CCM2: variants seen among roughly 807,000 people sequenced by gnomAD.
CCM2 encodes CCM2 scaffold protein.
In CCM2, 25 loss-of-function variants were observed where a neutral mutation model predicts 44.9. The observed-to-expected ratio is 0.56, with a 90% CI of 0.41 to 0.78. The LOEUF (loss-of-function observed/expected upper bound fraction) is 0.78, where lower values mean the gene tolerates loss of function less well. Ranked by LOEUF, CCM2 falls within the 30% of genes least tolerant of loss-of-function variation. The probability of loss-of-function intolerance (pLI) is 0.00; values close to 1 mark genes in which losing one functional copy is unlikely to be tolerated. For synonymous variants in CCM2, 219 were observed against 241.1 expected (o/e 0.91, Z 0.85); for missense variants, 481 against 580.6 (o/e 0.83, Z 1.76).
intron 1 of CCM2, among the ~76,000 whole-genome samples, chr7:45,028,936 G>A (rs6944713): frequency 0.035 from 5,254 of 152,214 alleles, 306 homozygotes; most frequent in African/African-American, 0.12. Flanking sequence ...GTAGTGCCTC[G>A]GATGTGCACC....
At chr7:45,007,851 T>G (rs1795905456) in intron 1 of CCM2, among the ~76,000 whole-genome samples, 1 of 152,196 alleles carries the variant, frequency 6.6e-6, no homozygotes, top group Non-Finnish European at 1.5e-5. Flanking sequence ...TCACATGTTG[T>G]TTTTGTACCT....
intron 2 of CCM2, among the ~76,000 whole-genome samples, chr7:45,062,030 A>T (rs1798550385): frequency 6.6e-6 from 1 of 152,016 alleles, no homozygotes; most frequent in Non-Finnish European, 1.5e-5. Context: ...CCCCGCAATG[A>T]GCTGTGATTC....
chr7:45,027,103 G>A (rs1272921425), intron 1 of CCM2: 2 of 167,908 alleles, frequency 1.2e-5, no homozygotes, highest in East Asian at 1.6e-4. Flanking sequence ...CCTGGAGGCA[G>A]GTAGAGGCAC....
intron 1 of CCM2, among the ~76,000 whole-genome samples, chr7:45,020,152 A>G (rs1224026002): frequency 2.6e-5 from 4 of 152,188 alleles, no homozygotes; most frequent in Admixed American, 2.6e-4. Flanking sequence ...TACTCTCAGG[A>G]GTAAAGCAAT....
intron 2 of CCM2, among the ~76,000 whole-genome samples, chr7:45,055,238 A>G (rs1798203337): frequency 6.6e-6 from 1 of 152,222 alleles, no homozygotes; most frequent in Non-Finnish European, 1.5e-5. Context: ...GTTTCAGCAA[A>G]GCACTTGACA....
chr7:45,033,498 C>G (rs1237904139), intron 1 of CCM2, among the ~76,000 whole-genome samples: 1 of 152,174 alleles, frequency 6.6e-6, no homozygotes, highest in Non-Finnish European at 1.5e-5. Flanking sequence ...GAAGAGCCAA[C>G]AAATGGAGCC....
At chr7:45,050,745 A>T (rs1797965017) in intron 2 of CCM2, among the ~76,000 whole-genome samples, 1 of 152,064 alleles carries the variant, frequency 6.6e-6, no homozygotes, top group Non-Finnish European at 1.5e-5. Context: ...TGTGTCGGGT[A>T]AGTTAGTCCT....
At chr7:45,022,049 T>C (rs1348317833) in intron 1 of CCM2, among the ~76,000 whole-genome samples, 1 of 152,180 alleles carries the variant, frequency 6.6e-6, no homozygotes, top group Non-Finnish European at 1.5e-5. Flanking sequence ...CTAGAAGCAA[T>C]GACAGTCCAA....
intron 6 of CCM2, chr7:45,072,344 A>C (rs1001348): frequency 0.49 from 179,745 of 364,046 alleles, 47,013 homozygotes; most frequent in African/African-American, 0.74. Context: ...CTTACTTCCT[A>C]ATCTACAAGT....
intron 1 of CCM2, among the ~76,000 whole-genome samples, chr7:45,018,239 G>C (rs12667775): frequency 0.48 from 72,654 of 152,064 alleles, 18,688 homozygotes; most frequent in East Asian, 0.7. Context: ...TGCTGTGTGC[G>C]GCCTGGCTCC....
intron 1 of CCM2, among the ~76,000 whole-genome samples, chr7:45,013,329 C>G (rs1208163558): frequency 1.3e-5 from 2 of 151,644 alleles, no homozygotes; most frequent in Non-Finnish European, 2.9e-5. Context: ...TTGCTTTAAA[C>G]AATCGACTTT....
intron 2 of CCM2, among the ~76,000 whole-genome samples, chr7:45,042,968 C>CTT (rs35874377): frequency 1.5e-5 from 2 of 134,630 alleles, no homozygotes; most frequent in African/African-American, 2.8e-5. Context: ...TCTTCTTCTT[C>CTT]TTTTTTTTTT....
chr7:45,069,801 G>A (rs922710733), intron 5 of CCM2, 25 bp from the exon 6 acceptor site: 5 of 1,613,510 alleles, frequency 3.1e-6, no homozygotes, highest in Middle Eastern at 1.6e-4. Flanking sequence ...CAGACTGACC[G>A]AGCAGCTGCT....
At chr7:45,067,178 C>T (rs761173598) in intron 4 of CCM2, among the ~76,000 whole-genome samples, 27 of 151,106 alleles carry the variant, frequency 1.8e-4, no homozygotes, top group South Asian at 4.2e-4. Flanking sequence ...GGATTACAGG[C>T]ATGAGCCACT....
intron 1 of CCM2, among the ~76,000 whole-genome samples, chr7:45,020,621 T>G (rs901050179): frequency 6.6e-6 from 1 of 152,204 alleles, no homozygotes. Flanking sequence ...CATTTGTAAT[T>G]TTAGTAGATG....
chr7:45,063,244 G>C (rs1433472226), intron 2 of CCM2: 2 of 152,646 alleles, frequency 1.3e-5, no homozygotes, highest in Non-Finnish European at 2.9e-5. Flanking sequence ...AGCTAATTTT[G>C]TATTTTTAGT....
Position 45,042,068 on chromosome 7 carries a change from G to T in CCM2, c.204+3642G>T, listed in dbSNP as rs145772947. Among the ~76,000 whole-genome samples, 240 of 152,220 alleles carry T rather than the reference G, an allele frequency of 1.6e-3. 1 individual carries two copies. Among genetic ancestry groups the T allele is most frequent in the African/African-American group, 5.3e-3 (220 of 41,528 alleles). On this transcript the variant is annotated intron_variant, in intron 2 of 9. Transcript: ENST00000258781. ...AGGCGGACGGATCACGAGGTCAGGA[G>T]TTCAAGACCAGCCTGACCAACATGG...
intron 2 of CCM2, among the ~76,000 whole-genome samples, chr7:45,053,097 A>G (rs890981042): frequency 6.6e-6 from 1 of 152,186 alleles, no homozygotes; most frequent in African/African-American, 2.4e-5. Context: ...TCTGACTCCC[A>G]TATGTTCCTA....
At chr7:45,056,275 G>A (rs903752421) in intron 2 of CCM2, among the ~76,000 whole-genome samples, 1 of 152,172 alleles carries the variant, frequency 6.6e-6, no homozygotes, top group African/African-American at 2.4e-5. Context: ...CTTTTCACAG[G>A]AGTATCATTT....
Sources: gnomAD v4.1 joint callset for allele counts (sites outside exome capture counted in the v4.1 genomes callset) on GRCh38, gnomAD v4.1.1 for gene constraint, MANE v1.5 for transcripts, NCBI Gene and HGNC (gene_info 2026-07-23, HGNC 2026-07-21) for gene names.